FMN1: variants seen among roughly 807,000 people sequenced by gnomAD.
The protein encoded by FMN1 is formin 1, also known as formin-1.
FMN1 carries 110 observed loss-of-function variants against 132.4 expected under a neutral mutation model. That is an observed-to-expected ratio of 0.83 (90% CI 0.71 to 0.97). The LOEUF is 0.97. Among genes scored for constraint, FMN1 ranks in the 50% least tolerant of loss-of-function variants. The probability of loss-of-function intolerance (pLI) is 0.00; values close to 1 mark genes in which losing one functional copy is unlikely to be tolerated. For synonymous variants in FMN1, 722 were observed against 651.7 expected, an observed-to-expected ratio of 1.11 and a Z score of -1.64; for missense variants, 1,792 against 1,705.3, an observed-to-expected ratio of 1.05 and a Z score of -0.90.
At chr15:32,990,920 T>C (rs1264820646) in intron 7 of FMN1, among the ~76,000 whole-genome samples, 1 of 152,144 alleles carries the variant, frequency 6.6e-6, no homozygotes, top group Non-Finnish European at 1.5e-5. Context: ...ACTGCTCCCA[T>C]GATTTAATTA....
At chr15:33,026,233 T>C (rs922801179) in intron 6 of FMN1, among the ~76,000 whole-genome samples, 5 of 151,196 alleles carry the variant, frequency 3.3e-5, no homozygotes, top group African/African-American at 1.2e-4. Flanking sequence ...GGCAGAGAAA[T>C]TGAATAAAGG....
chr15:32,964,691 G>A (rs898363414), intron 8 of FMN1, among the ~76,000 whole-genome samples: 1 of 152,156 alleles, frequency 6.6e-6, no homozygotes, highest in African/African-American at 2.4e-5. Context: ...ATGGAGTACC[G>A]AAGTAAAGAC....
At chr15:33,167,342 C>G (rs1183774798) in intron 3 of FMN1, among the ~76,000 whole-genome samples, 1 of 152,200 alleles carries the variant, frequency 6.6e-6, no homozygotes, top group South Asian at 2.1e-4. Flanking sequence ...GCCTTTACTT[C>G]TCCTTTGCCT....
chr15:32,874,017 G>GTTTTTTTTTTT (rs962842419), intron 16 of FMN1, among the ~76,000 whole-genome samples: 4 of 115,098 alleles, frequency 3.5e-5, no homozygotes, highest in African/African-American at 1.4e-4. Context: ...TATTTTAGTT[G>GTTTTTTTTTTT]TTTTTTTTTT....
intron 4 of FMN1, among the ~76,000 whole-genome samples, chr15:33,113,835 C>T (rs1415017111): frequency 6.6e-6 from 1 of 152,214 alleles, no homozygotes; most frequent in African/African-American, 2.4e-5. Context: ...TACCAGCACA[C>T]TTCAAAACAG....
intron 7 of FMN1, among the ~76,000 whole-genome samples, chr15:33,004,970 A>C (rs1377518719): frequency 6.6e-6 from 1 of 152,168 alleles, no homozygotes; most frequent in African/African-American, 2.4e-5. Context: ...GTTCTCACTC[A>C]TAGGTGGGAC....
intron 4 of FMN1, among the ~76,000 whole-genome samples, chr15:33,119,178 C>T (rs1045643203): frequency 2.0e-5 from 3 of 152,280 alleles, no homozygotes; most frequent in Non-Finnish European, 4.4e-5. Flanking sequence ...TTAGATTCAT[C>T]TCTATGTTCA....
At chr15:33,167,304 G>T (rs566797452) in intron 3 of FMN1, among the ~76,000 whole-genome samples, 1 of 152,154 alleles carries the variant, frequency 6.6e-6, no homozygotes, top group Non-Finnish European at 1.5e-5. Flanking sequence ...CCTGTACAAG[G>T]TCTGTTGCCT....
chr15:32,961,996 C>T (rs2140578245), intron 9 of FMN1, among the ~76,000 whole-genome samples: 1 of 152,230 alleles, frequency 6.6e-6, no homozygotes, highest in Admixed American at 6.5e-5. Context: ...TTTAAAATTG[C>T]AGACCTCACC....
chr15:32,983,023 A>G (rs1420012174), intron 7 of FMN1, among the ~76,000 whole-genome samples: 1 of 152,212 alleles, frequency 6.6e-6, no homozygotes, highest in Non-Finnish European at 1.5e-5. Context: ...TATTTTACGT[A>G]TACACGCACA....
intron 17 of FMN1, among the ~76,000 whole-genome samples, chr15:32,804,663 C>T (rs1443240844): frequency 6.9e-6 from 1 of 145,234 alleles, no homozygotes; most frequent in African/African-American, 2.6e-5. Context: ...CTCCCCCAGC[C>T]CCCCACCCCC....
intron 5 of FMN1, chr15:33,067,700 C>A (rs374458166): frequency 1.2e-6 from 2 of 1,614,014 alleles, no homozygotes; most frequent in South Asian, 2.2e-5. Context: ...CACGTCTAAA[C>A]TATGGAATGC....
chr15:32,801,779 A>C (rs2057490460), intron 18 of FMN1, among the ~76,000 whole-genome samples: 1 of 152,088 alleles, frequency 6.6e-6, no homozygotes, highest in Non-Finnish European at 1.5e-5. Context: ...TGGGCGACAG[A>C]ATGAGACTCC....
chr15:32,921,047 G>C lies in FMN1; in HGVS notation c.3226+5127C>G, dbSNP rs148068478. Among the ~76,000 whole-genome samples the C allele has an allele frequency of 6.9e-3, 1,050 of 152,290 alleles. 15 individuals carry two copies. The highest frequency in any genetic ancestry group is 0.024 in the African/African-American group (982 of 41,556). ...ACATCAGTGAGCAGTCTCCTTCTCA[G>C]AGCTTATATTCTCGTGGTAGATGTA... On this transcript the variant is annotated intron_variant, in intron 10 of 20. Transcript: ENST00000616417.
chr15:32,785,528 A>G (rs906078364), intron 19 of FMN1, among the ~76,000 whole-genome samples: 1 of 152,110 alleles, frequency 6.6e-6, no homozygotes, highest in African/African-American at 2.4e-5. Flanking sequence ...GTTATCTTTT[A>G]AACACCTATG....
At chr15:32,921,271 T>C (rs538710589) in intron 10 of FMN1, among the ~76,000 whole-genome samples, 16 of 152,282 alleles carry the variant, frequency 1.1e-4, no homozygotes, top group African/African-American at 3.4e-4. Flanking sequence ...AGAGGGAGCG[T>C]GCAGAACTGT....
In FMN1 at chr15:32,766,569, A is replaced by T. The variant is rs554794991; in HGVS notation, c.*7741T>A. The stretch of plus-strand genomic sequence containing the variant: ...CCGCCCAATCTTCTTAAAATAAAAT[A>T]AAAAGAGACGTATTTTCCATCTCTT... On this transcript the variant is annotated 3_prime_UTR_variant, in exon 21 of 21. Transcript: ENST00000616417. The T allele has an allele frequency of 1.4e-5, 2 of 143,854 alleles. No homozygotes were observed. The highest frequency in any genetic ancestry group is 5.2e-5 in the African/African-American group (2 of 38,808). The allele number at this position is 143,854 out of a possible 1,614,324, so 8.9% of individuals were successfully genotyped here. A position where few individuals can be genotyped will look rare whatever the true frequency, so the allele number is the denominator to read the frequency against.
chr15:33,032,842 G>C (rs1254740932), intron 6 of FMN1, among the ~76,000 whole-genome samples: 1 of 151,556 alleles, frequency 6.6e-6, no homozygotes, highest in Admixed American at 6.6e-5. Flanking sequence ...GTGGGACCTG[G>C]GGGGGTTATT....
intron 19 of FMN1, among the ~76,000 whole-genome samples, chr15:32,786,180 G>C (rs1314072651): frequency 1.3e-5 from 2 of 152,156 alleles, no homozygotes; most frequent in Admixed American, 1.3e-4. Flanking sequence ...TCTAATAAAT[G>C]CAAGAGCTCT....
Sources: gnomAD v4.1 joint callset for allele counts (sites outside exome capture counted in the v4.1 genomes callset) on GRCh38, gnomAD v4.1.1 for gene constraint, MANE v1.5 for transcripts, NCBI Gene and HGNC (gene_info 2026-07-23, HGNC 2026-07-21) for gene names.